EPHA6: variants seen among roughly 807,000 people sequenced by gnomAD.
EPHA6 encodes the protein EPH receptor A6, also known as ephrin type-A receptor 6.
In EPHA6, 50 loss-of-function variants were observed where a neutral mutation model predicts 112.0. The observed-to-expected ratio is 0.45, with a 90% CI of 0.36 to 0.56. EPHA6 has a LOEUF of 0.56. Ranked by LOEUF, EPHA6 falls within the 20% of genes least tolerant of loss-of-function variation. The probability of loss-of-function intolerance (pLI) is 0.00; values close to 1 mark genes in which losing one functional copy is unlikely to be tolerated. For synonymous variants in EPHA6, 529 were observed against 490.7 expected (o/e 1.08, Z -1.03); for missense variants, 1,280 against 1,417.4 (o/e 0.90, Z 1.56).
chr3:96,930,341 T>C (rs1045636605), intron 2 of EPHA6, among the ~76,000 whole-genome samples: 4 of 152,198 alleles, frequency 2.6e-5, no homozygotes, highest in Admixed American at 2.6e-4. Context: ...TTTTTCCATC[T>C]TTATGGGGTC....
intron 11 of EPHA6, among the ~76,000 whole-genome samples, chr3:97,559,180 T>A (rs1320542830): frequency 6.6e-6 from 1 of 152,002 alleles, no homozygotes; most frequent in Non-Finnish European, 1.5e-5. Context: ...TATTACCAAT[T>A]TTCACAATAC....
At chr3:97,119,230 A>G (rs1043667771) in intron 3 of EPHA6, among the ~76,000 whole-genome samples, 1 of 152,102 alleles carries the variant, frequency 6.6e-6, no homozygotes, top group East Asian at 1.9e-4. Flanking sequence ...CTAAGAAACT[A>G]TGCACTAACT....
At chr3:97,187,595 A>AAAGAAAAG (rs2077175282) in intron 3 of EPHA6, among the ~76,000 whole-genome samples, 1 of 151,070 alleles carries the variant, frequency 6.6e-6, no homozygotes. Flanking sequence ...AAAAAAAAAA[A>AAAGAAAAG]AAGAAAAGAG....
chr3:97,358,552 A>G (rs1488114168), intron 5 of EPHA6, among the ~76,000 whole-genome samples: 2 of 151,676 alleles, frequency 1.3e-5, no homozygotes, highest in Admixed American at 6.6e-5. Context: ...GTGTATTAGT[A>G]CTTAAATCAA....
chr3:96,848,168 T>C (rs1042610947), intron 1 of EPHA6, among the ~76,000 whole-genome samples: 3 of 152,118 alleles, frequency 2.0e-5, no homozygotes, highest in Non-Finnish European at 2.9e-5. Flanking sequence ...ATGCTTGTTT[T>C]ACTTAGTGAA....
Position 96,836,447 on chromosome 3 carries a change from A to G in EPHA6, c.385+21439A>G, listed in dbSNP as rs140374071. ...TAATCCTTGAAGGTTCTATTTTACA[A>G]GGTTGTTGTAGCAATGGAATACTGT... On this transcript the variant is annotated intron_variant, in intron 1 of 17. Coordinates refer to ENST00000389672, the MANE Select transcript of EPHA6 (RefSeq NM_001080448.3). Among the ~76,000 whole-genome samples, 448 of 152,190 alleles carry G rather than the reference A, an allele frequency of 2.9e-3. 4 individuals are homozygous for G. The highest frequency in any genetic ancestry group is 9.9e-3 in the African/African-American group (410 of 41,534).
chr3:97,746,866 T>G, intron 16 of EPHA6, among the ~76,000 whole-genome samples: 1 of 151,900 alleles, frequency 6.6e-6, no homozygotes, highest in East Asian at 1.9e-4. Context: ...AAAATTACAT[T>G]TTAAGAAATG....
rs922392381 is a variant in EPHA6, at chr3:97,759,395, G to A, written c.*10694G>A. ...CTCTCTCAAAAAGCTTTGATGTAAA[G>A]GGAGCAAGAGAAATAGGATAATAGC... On this transcript the variant is annotated 3_prime_UTR_variant, in exon 18 of 18. Coordinates refer to ENST00000389672, the MANE Select transcript of EPHA6 (RefSeq NM_001080448.3). 1 of 225,356 alleles carries A rather than the reference G, an allele frequency of 4.4e-6. No individual in the cohort carries two copies. The highest frequency in any genetic ancestry group is 5.7e-5 in the Admixed American group (1 of 17,512). The allele number at this position is 225,356 out of a possible 1,614,324, so 14.0% of individuals were successfully genotyped here.
chr3:97,310,091 G>A (rs985350718), intron 5 of EPHA6, among the ~76,000 whole-genome samples: 5 of 151,246 alleles, frequency 3.3e-5, no homozygotes, highest in Non-Finnish European at 5.9e-5. Flanking sequence ...AAAGACTTCC[G>A]TGGCCTTTTT....
At chr3:97,556,199 T>A (rs887289523) in intron 11 of EPHA6, among the ~76,000 whole-genome samples, 1 of 152,036 alleles carries the variant, frequency 6.6e-6, no homozygotes, top group Non-Finnish European at 1.5e-5. Flanking sequence ...GTCCAAGTTT[T>A]CCCCACACTC....
chr3:97,004,261 C>G (rs538799049), intron 3 of EPHA6, among the ~76,000 whole-genome samples: 2 of 152,150 alleles, frequency 1.3e-5, no homozygotes, highest in Non-Finnish European at 2.9e-5. Context: ...TTCACACCAA[C>G]GATGTAAAAG....
intron 10 of EPHA6, among the ~76,000 whole-genome samples, chr3:97,499,944 AT>A (rs2092074666): frequency 6.6e-6 from 1 of 152,270 alleles, no homozygotes; most frequent in African/African-American, 2.4e-5. Context: ...TCAATAATAA[AT>A]TTTATTTTAT....
intron 4 of EPHA6, among the ~76,000 whole-genome samples, chr3:97,239,445 A>C (rs914368276): frequency 3.3e-5 from 5 of 151,920 alleles, no homozygotes; most frequent in Non-Finnish European, 7.4e-5. Context: ...CCCCAAACTT[A>C]ACTACTAATA....
At chr3:97,522,934 G>A (rs1218883701) in intron 10 of EPHA6, among the ~76,000 whole-genome samples, 3 of 151,584 alleles carry the variant, frequency 2.0e-5, no homozygotes, top group African/African-American at 7.3e-5. Flanking sequence ...TTCTTAGTTG[G>A]TCTGGTCTGG....
At chr3:97,335,423 C>A (rs2083011445) in intron 5 of EPHA6, among the ~76,000 whole-genome samples, 1 of 152,156 alleles carries the variant, frequency 6.6e-6, no homozygotes, top group Admixed American at 6.6e-5. Context: ...TTTGCTACAG[C>A]AGCACAAATG....
At chr3:97,021,612 T>A (rs2044462533) in intron 3 of EPHA6, among the ~76,000 whole-genome samples, 1 of 152,230 alleles carries the variant, frequency 6.6e-6, no homozygotes, top group Non-Finnish European at 1.5e-5. Context: ...CTGGTGGGGA[T>A]GCTCTTCCTT....
chr3:97,704,617 GATAC>G (rs1162449863), intron 14 of EPHA6, among the ~76,000 whole-genome samples: 7 of 152,264 alleles, frequency 4.6e-5, no homozygotes, highest in African/African-American at 1.7e-4. Context: ...GAACTTGACT[GATAC>G]AGAGTATTTT....
chr3:96,816,051 T>C (rs1386118668), intron 1 of EPHA6, among the ~76,000 whole-genome samples: 3 of 152,148 alleles, frequency 2.0e-5, no homozygotes, highest in African/African-American at 4.8e-5. Flanking sequence ...TTTGCAGGTA[T>C]AAAAATGGAG....
chr3:96,829,949 G>GCACACACACA (rs67227502), intron 1 of EPHA6, among the ~76,000 whole-genome samples: 2,879 of 136,014 alleles, frequency 0.021, 59 homozygotes, highest in Non-Finnish European at 0.028. Context: ...GCGCGCGCGC[G>GCACACACACA]CACACACACA....
Sources: allele counts gnomAD v4.1 joint callset (sites outside exome capture counted in the v4.1 genomes callset), GRCh38; gene constraint gnomAD v4.1.1; transcripts MANE v1.5; gene names NCBI Gene and HGNC (gene_info 2026-07-23, HGNC 2026-07-21).